Variants in TAFA4 observed in about 807,000 individuals in gnomAD.
TAFA4 encodes chemokine-like protein TAFA-4.
A neutral mutation model predicts 21.1 loss-of-function variants in TAFA4; 20 were observed. The observed-to-expected ratio is 0.95, with a 90% CI of 0.67 to 1.38. The LOEUF (loss-of-function observed/expected upper bound fraction) is 1.38, where lower values mean the gene tolerates loss of function less well. Among genes scored for constraint, TAFA4 ranks in the 40% most tolerant of loss-of-function variants. TAFA4 has a pLI of 0.00. For synonymous variants in TAFA4, 71 were observed against 67.4 expected, an observed-to-expected ratio of 1.05 and a Z score of -0.26; for missense variants, 211 against 180.9, an observed-to-expected ratio of 1.17 and a Z score of -0.95.
chr3:68,784,108 G>T (rs1703205570), intron 3 of TAFA4, among the ~76,000 whole-genome samples: 1 of 152,198 alleles, frequency 6.6e-6, no homozygotes, highest in South Asian at 2.1e-4. Flanking sequence ...GTCATCATAT[G>T]AAAAGATGCT....
chr3:68,822,152 A>C (rs1400512864), intron 3 of TAFA4, among the ~76,000 whole-genome samples: 1 of 152,246 alleles, frequency 6.6e-6, no homozygotes, highest in Non-Finnish European at 1.5e-5. Flanking sequence ...TTTTTTAAAA[A>C]AAATGTAACC....
intron 1 of TAFA4, among the ~76,000 whole-genome samples, chr3:68,917,708 C>T (rs1027991217): frequency 1.4e-5 from 2 of 145,670 alleles, no homozygotes; most frequent in African/African-American, 5.1e-5. Flanking sequence ...GAGCTGAGAT[C>T]GCGCCACTGC....
At chr3:68,800,646 A>G (rs913212855) in intron 3 of TAFA4, among the ~76,000 whole-genome samples, 12 of 152,096 alleles carry the variant, frequency 7.9e-5, no homozygotes, top group Admixed American at 1.3e-4. Context: ...CAACTCCCCA[A>G]CTGGTCTGCT....
At chr3:68,827,695 T>C (rs917942046) in intron 3 of TAFA4, among the ~76,000 whole-genome samples, 2 of 152,264 alleles carry the variant, frequency 1.3e-5, no homozygotes, top group Non-Finnish European at 2.9e-5. Flanking sequence ...TTTTGAAAAG[T>C]GTCTGTTCAT....
At chr3:68,894,737 G>C (rs2106971354) in intron 1 of TAFA4, among the ~76,000 whole-genome samples, 1 of 152,346 alleles carries the variant, frequency 6.6e-6, no homozygotes, top group African/African-American at 2.4e-5. Context: ...AAAAGGGTAA[G>C]ATCACTGGGG....
At chr3:68,754,999 C>T (rs959130042) in intron 3 of TAFA4, among the ~76,000 whole-genome samples, 5 of 152,118 alleles carry the variant, frequency 3.3e-5, no homozygotes, top group Admixed American at 6.5e-5. Flanking sequence ...GTGGGGCATC[C>T]GACTTAGAAA....
chr3:68,888,141 C>T (rs1051837614), intron 1 of TAFA4, among the ~76,000 whole-genome samples: 2 of 152,042 alleles, frequency 1.3e-5, no homozygotes, highest in African/African-American at 4.8e-5. Flanking sequence ...CTCTTAAATT[C>T]CATCTTCTAA....
intron 3 of TAFA4, 61 bp downstream of exon 3, chr3:68,880,669 A>G: frequency 2.9e-6 from 4 of 1,361,940 alleles, no homozygotes; most frequent in Admixed American, 3.4e-5. Context: ...TAAAATGTGG[A>G]CTCTGACATT....
At chr3:68,832,985 G>C (rs1444387919) in intron 3 of TAFA4, among the ~76,000 whole-genome samples, 3 of 152,240 alleles carry the variant, frequency 2.0e-5, no homozygotes, top group Non-Finnish European at 4.4e-5. Context: ...AGCGAGCAAG[G>C]CTCCATGGGC....
chr3:68,903,743 A>G (rs774334176), intron 1 of TAFA4, among the ~76,000 whole-genome samples: 10 of 152,182 alleles, frequency 6.6e-5, no homozygotes, highest in Non-Finnish European at 1.5e-4. Context: ...AGATTATTTC[A>G]TCACCCTGTT....
intron 3 of TAFA4, among the ~76,000 whole-genome samples, chr3:68,837,395 G>C (rs1209243563): frequency 1.3e-5 from 2 of 152,186 alleles, no homozygotes; most frequent in African/African-American, 4.8e-5. Flanking sequence ...GTGCCCATGA[G>C]GACGTAAGTG....
chr3:68,925,008 G>A (rs571861944), intron 1 of TAFA4, among the ~76,000 whole-genome samples: 4 of 152,280 alleles, frequency 2.6e-5, no homozygotes, highest in Admixed American at 1.3e-4. Context: ...CAAGGAGAAT[G>A]AGATTGGTAC....
intron 1 of TAFA4, among the ~76,000 whole-genome samples, chr3:68,886,330 T>A (rs889692646): frequency 1.3e-5 from 2 of 152,142 alleles, no homozygotes; most frequent in Non-Finnish European, 2.9e-5. Flanking sequence ...AAGAGAGAAA[T>A]GGCTTTAAAT....
At chr3:68,762,656 C>T (rs1388104286) in intron 3 of TAFA4, among the ~76,000 whole-genome samples, 1 of 152,206 alleles carries the variant, frequency 6.6e-6, no homozygotes, top group Non-Finnish European at 1.5e-5. Flanking sequence ...AGGTGCTGTC[C>T]TGTTAAGTCT....
intron 1 of TAFA4, among the ~76,000 whole-genome samples, chr3:68,900,240 TTAATAATAATAATAATAATAATAATAA>T (rs3048092): frequency 7.5e-6 from 1 of 132,840 alleles, no homozygotes; most frequent in African/African-American, 2.8e-5. Context: ...AGACTCTCTC[TTAATAATAATAATAATAATAATAATAA>T]TAATAATAAT....
intron 3 of TAFA4, among the ~76,000 whole-genome samples, chr3:68,839,306 G>A (rs1034057973): frequency 4.6e-5 from 7 of 152,308 alleles, no homozygotes; most frequent in Admixed American, 1.3e-4. Context: ...CCTGAATGAA[G>A]TGAGTAAACG....
intron 4 of TAFA4, among the ~76,000 whole-genome samples, chr3:68,751,711 G>C (rs1205195764): frequency 6.6e-6 from 1 of 152,120 alleles, no homozygotes; most frequent in East Asian, 1.9e-4. Context: ...TCTTTATCCA[G>C]CCTTATCCCA....
At chr3:68,793,122 C>A (rs1480322985) in intron 3 of TAFA4, among the ~76,000 whole-genome samples, 1 of 152,116 alleles carries the variant, frequency 6.6e-6, no homozygotes, top group Non-Finnish European at 1.5e-5. Context: ...GTTAATCACT[C>A]TCTGATTTCA....
intron 1 of TAFA4, among the ~76,000 whole-genome samples, chr3:68,905,443 C>T (rs533142100): frequency 6.6e-6 from 1 of 152,242 alleles, no homozygotes; most frequent in East Asian, 1.9e-4. Context: ...ATTTGGATTA[C>T]AGGTGTGAGC....
Sources: allele counts gnomAD v4.1 joint callset (sites outside exome capture counted in the v4.1 genomes callset), GRCh38; gene constraint gnomAD v4.1.1; transcripts MANE v1.5; gene names NCBI Gene and HGNC (gene_info 2026-07-23, HGNC 2026-07-21).